The following PRSS12 variants were observed in gnomAD, a reference collection of about 807,000 sequenced individuals.
The protein encoded by PRSS12 is serine protease 12, also known as neurotrypsin.
PRSS12 carries 85 observed loss-of-function variants against 104.4 expected under a neutral mutation model. The observed-to-expected ratio is 0.81, with a 90% confidence interval of 0.68 to 0.98. The LOEUF (loss-of-function observed/expected upper bound fraction) is 0.98, where lower values mean the gene tolerates loss of function less well. Among genes scored for constraint, PRSS12 ranks in the 50% least tolerant of loss-of-function variants. The pLI is 0.00. For missense variants in PRSS12, 1,141 were observed against 1,139.2 expected (o/e 1.00, Z -0.02); for synonymous variants, 454 against 425.2 (o/e 1.07, Z -0.83).
intron 8 of PRSS12, among the ~76,000 whole-genome samples, 176 bp from the exon 9 acceptor site, chr4:118,299,114 C>CTA (rs1743327989): frequency 6.6e-6 from 1 of 152,154 alleles, no homozygotes; most frequent in South Asian, 2.1e-4. Flanking sequence ...AAGGTATTAA[C>CTA]TATACTTTCC....
At chr4:118,310,323 C>T (rs1743675111) in intron 7 of PRSS12, among the ~76,000 whole-genome samples, 1 of 152,142 alleles carries the variant, frequency 6.6e-6, no homozygotes, top group Non-Finnish European at 1.5e-5. Context: ...GGTAGTTTTA[C>T]AGGCACATTT....
At chr4:118,295,152 A>C in intron 10 of PRSS12, 91 bp from the exon 11 acceptor site, 1 of 1,476,284 alleles carries the variant, frequency 6.8e-7, no homozygotes, top group Non-Finnish European at 9.2e-7. Flanking sequence ...AATAACTTTA[A>C]TGCCTTGCAG....
At chr4:118,296,214 C>A (rs544088762) in intron 9 of PRSS12, among the ~76,000 whole-genome samples, 1 of 152,186 alleles carries the variant, frequency 6.6e-6, no homozygotes, top group Admixed American at 6.5e-5. Context: ...AAGAGAACTG[C>A]AAAGGCAGTA....
At chr4:118,348,502 T>C (rs1724410973) in intron 1 of PRSS12, among the ~76,000 whole-genome samples, 1 of 152,196 alleles carries the variant, frequency 6.6e-6, no homozygotes, top group Non-Finnish European at 1.5e-5. Flanking sequence ...TAGAAATGCA[T>C]GTTCCATTCC....
At chr4:118,318,313 A>G in intron 5 of PRSS12, 65 bp downstream of exon 5, 1 of 1,475,610 alleles carries the variant, frequency 6.8e-7, no homozygotes, top group Non-Finnish European at 9.3e-7. Context: ...GGAGAAGGGA[A>G]GCTGTGGCAG....
At chr4:118,324,808 G>T (rs1011378480) in intron 4 of PRSS12, among the ~76,000 whole-genome samples, 1 of 151,992 alleles carries the variant, frequency 6.6e-6, no homozygotes, top group Non-Finnish European at 1.5e-5. Context: ...TGCCTCCCGG[G>T]TTCAAGCGAT....
intron 8 of PRSS12, among the ~76,000 whole-genome samples, chr4:118,302,122 A>C (rs935417806): frequency 1.3e-5 from 2 of 152,190 alleles, no homozygotes; most frequent in African/African-American, 2.4e-5. Flanking sequence ...TTAATCATTT[A>C]TTAAAATTAT....
At chr4:118,301,850 T>C (rs1175188862) in intron 8 of PRSS12, among the ~76,000 whole-genome samples, 1 of 152,168 alleles carries the variant, frequency 6.6e-6, no homozygotes, top group Admixed American at 6.6e-5. Context: ...TTCCAGTTGA[T>C]TCTCTTGGGT....
At position 118,316,837 on chromosome 4, in the gene PRSS12, A is replaced by AAAAAAAT. The variant is rs35698159; in HGVS notation, c.1151-515_1151-514insATTTTTT. Among the ~76,000 whole-genome samples the AAAAAAAT allele has an allele frequency of 1.4e-3, 143 of 99,178 alleles. 1 individual carries two copies. Among genetic ancestry groups the AAAAAAAT allele is most frequent in the South Asian group, 7.7e-3 (20 of 2,614 alleles). 65.1% of individuals were successfully genotyped at this position (99,178 alleles called of 152,430 possible). A position where few individuals can be genotyped will look rare whatever the true frequency, so the allele number is the denominator to read the frequency against. On this transcript the variant is annotated intron_variant, in intron 5 of 12. Transcript: ENST00000296498. ...ACTCCGTCTCACGGAAAAAAAAAAA[A>AAAAAAAT]ATATATATATATATATATATCTTTC...
Position 118,295,849 on chromosome 4 carries a change from G to C in PRSS12, c.1845C>G (p.Leu615=). The C allele has an allele frequency of 6.2e-7, 1 of 1,613,948 alleles. No homozygotes were observed. The highest frequency in any genetic ancestry group is 8.5e-7 in the Non-Finnish European group (1 of 1,179,810). ...KASGNSNKES[L]SSVCGLRLLH... Reference sequence around the variant, plus strand: ...GTAATCTCAAGCCACAAACAGATGAGAGGGACTCTGAAGCAGAAATAGGTC... The same window carrying C: ...GTAATCTCAAGCCACAAACAGATGACAGGGACTCTGAAGCAGAAATAGGTC... The change falls in exon 10 of 13, where the codon CTC becomes CTG. Residue 615 remains leucine (L), a synonymous_variant. Coordinates refer to ENST00000296498, the MANE Select transcript of PRSS12 (RefSeq NM_003619.4).
At chr4:118,350,948 A>G (rs914373778) in intron 1 of PRSS12, among the ~76,000 whole-genome samples, 1 of 152,218 alleles carries the variant, frequency 6.6e-6, no homozygotes, top group Non-Finnish European at 1.5e-5. Flanking sequence ...ATTTTACTAT[A>G]ATCTCTTATG....
At chr4:118,346,048 T>C (rs1162996849) in intron 1 of PRSS12, among the ~76,000 whole-genome samples, 1 of 152,220 alleles carries the variant, frequency 6.6e-6, no homozygotes, top group Non-Finnish European at 1.5e-5. Flanking sequence ...CCAGAAAGGT[T>C]TCCTTGTTTC....
intron 2 of PRSS12, 32 bp from the exon 3 acceptor site, chr4:118,335,683 C>A (rs907174529): frequency 1.3e-6 from 2 of 1,592,550 alleles, no homozygotes; most frequent in South Asian, 1.1e-5. Context: ...TTAGGTTTAT[C>A]AAATGTAGGC....
intron 11 of PRSS12, among the ~76,000 whole-genome samples, chr4:118,289,331 G>T (rs1743081829): frequency 6.6e-6 from 1 of 152,170 alleles, no homozygotes; most frequent in South Asian, 2.1e-4. Context: ...ATCACTGCAA[G>T]AATTAGGTAC....
intron 4 of PRSS12, among the ~76,000 whole-genome samples, chr4:118,322,042 A>G (rs1723640711): frequency 6.6e-6 from 1 of 152,206 alleles, no homozygotes; most frequent in African/African-American, 2.4e-5. Context: ...ATTTTCAAAT[A>G]TTTGAATGCA....
chr4:118,318,360 A>G lies in PRSS12; in HGVS notation c.1150+18T>C. The G allele has an allele frequency of 6.2e-7, 1 of 1,613,208 alleles. No individual in the cohort carries two copies. The highest frequency in any genetic ancestry group is 8.5e-7 in the Non-Finnish European group (1 of 1,179,402). On this transcript the variant is annotated intron_variant, in intron 5 of 12. Coordinates refer to ENST00000296498, the MANE Select transcript of PRSS12 (RefSeq NM_003619.4). Reference sequence around the variant, plus strand: ...ACTGGGGGCAAGAACTGGTACACTAATGGAGTGAAATCCTTACCTGTTAGA... The same window carrying G: ...ACTGGGGGCAAGAACTGGTACACTAGTGGAGTGAAATCCTTACCTGTTAGA...
At chr4:118,316,620 G>C (rs900202869) in intron 5 of PRSS12, among the ~76,000 whole-genome samples, 1 of 151,776 alleles carries the variant, frequency 6.6e-6, no homozygotes, top group South Asian at 2.1e-4. Flanking sequence ...TCAGGAGTTC[G>C]AGATCAGCCT....
At chr4:118,299,799 A>AAAATAAAAT in intron 8 of PRSS12, among the ~76,000 whole-genome samples, 1 of 112,248 alleles carries the variant, frequency 8.9e-6, no homozygotes, top group African/African-American at 3.1e-5. Flanking sequence ...TAAAATAAAT[A>AAAATAAAAT]AAATAAAATA....
chr4:118,288,559 T>C (rs774598181), intron 11 of PRSS12, among the ~76,000 whole-genome samples: 2 of 152,244 alleles, frequency 1.3e-5, no homozygotes, highest in Non-Finnish European at 2.9e-5. Flanking sequence ...GGTAAAGTTA[T>C]ATTCTTGAAC....
Sources: allele counts gnomAD v4.1 joint callset (sites outside exome capture counted in the v4.1 genomes callset), GRCh38; gene constraint gnomAD v4.1.1; transcripts MANE v1.5; gene names NCBI Gene and HGNC (gene_info 2026-07-23, HGNC 2026-07-21).